The following ASPRV1 variants were observed in gnomAD, a reference collection of about 807,000 sequenced individuals.
ASPRV1 encodes retroviral-like aspartic protease 1.
In ASPRV1, 7 loss-of-function variants were observed where a neutral mutation model predicts 11.0. The observed-to-expected ratio is 0.64, with a 90% CI of 0.36 to 1.20. The LOEUF is 1.20. Ranked by LOEUF, ASPRV1 falls within the 50% of genes most tolerant of loss-of-function variation. ASPRV1 has a pLI of 0.02. For missense variants in ASPRV1, 299 were observed against 320.0 expected (o/e 0.93, Z 0.50); for synonymous variants, 136 against 138.4 (o/e 0.98, Z 0.12).
chr2:70,035,690 G>T, the ASPRV1 span, among the ~76,000 whole-genome samples: 1 of 150,618 alleles, frequency 6.6e-6, no homozygotes, highest in African/African-American at 2.4e-5. Flanking sequence ...ATCTGAATGA[G>T]TCAGTTAAAT....
chr2:70,008,285 G>C, the ASPRV1 span, among the ~76,000 whole-genome samples: 24 of 152,018 alleles, frequency 1.6e-4, no homozygotes, highest in African/African-American at 5.6e-4. Flanking sequence ...CCATAGGAAC[G>C]AATCTCCATT....
chr2:70,077,859 A>G, the ASPRV1 span, among the ~76,000 whole-genome samples: 1 of 151,408 alleles, frequency 6.6e-6, no homozygotes, highest in Non-Finnish European at 1.5e-5. Context: ...CTGTCTCAAA[A>G]AAAATAAAAT....
chr2:69,939,713 T>C, the ASPRV1 span: 1 of 152,528 alleles, frequency 6.6e-6, no homozygotes, highest in South Asian at 2.1e-4. Flanking sequence ...TTTGAACCAT[T>C]TGTAAAATCT....
At chr2:70,073,905 G>A in the ASPRV1 span, among the ~76,000 whole-genome samples, 1 of 151,894 alleles carries the variant, frequency 6.6e-6, no homozygotes, top group East Asian at 1.9e-4. Flanking sequence ...AGGCCGAAAT[G>A]GGCAGATCAC....
At chr2:70,050,866 C>A in the ASPRV1 span, 1 of 151,856 alleles carries the variant, frequency 6.6e-6, no homozygotes, top group Admixed American at 6.6e-5. Context: ...TCTCTTGAGC[C>A]CAAGAGTTCA....
the ASPRV1 span, chr2:70,051,063 C>T: frequency 6.6e-6 from 1 of 152,272 alleles, no homozygotes; most frequent in East Asian, 1.9e-4. Context: ...TAAAGCATTC[C>T]TAATGAGTGC....
At chr2:70,067,538 T>C in the ASPRV1 span, among the ~76,000 whole-genome samples, 1 of 152,224 alleles carries the variant, frequency 6.6e-6, no homozygotes, top group South Asian at 2.1e-4. Flanking sequence ...TTCTATGAAA[T>C]ACTATCCAGC....
At chr2:70,012,417 G>A in the ASPRV1 span, among the ~76,000 whole-genome samples, 1 of 152,036 alleles carries the variant, frequency 6.6e-6, no homozygotes, top group African/African-American at 2.4e-5. Flanking sequence ...GCCTCCCAAA[G>A]TGCTGGGATT....
chr2:70,083,064 G>A, the ASPRV1 span, among the ~76,000 whole-genome samples: 1 of 152,158 alleles, frequency 6.6e-6, no homozygotes, highest in Non-Finnish European at 1.5e-5. Flanking sequence ...TCAGGGAAAA[G>A]AGGGAAGAGA....
the ASPRV1 span, among the ~76,000 whole-genome samples, chr2:69,946,029 C>G: frequency 6.6e-6 from 1 of 152,128 alleles, no homozygotes; most frequent in Non-Finnish European, 1.5e-5. Flanking sequence ...CCAACCAACA[C>G]CATTGGCCAG....
upstream of ASPRV1, chr2:69,962,710 C>T (rs1678168929): frequency 6.1e-6 from 1 of 162,756 alleles, no homozygotes; most frequent in Non-Finnish European, 1.4e-5. Context: ...TCAAAGGTCA[C>T]TCCATGGAGC....
At chr2:70,067,014 T>C in the ASPRV1 span, among the ~76,000 whole-genome samples, 18 of 152,296 alleles carry the variant, frequency 1.2e-4, no homozygotes, top group East Asian at 3.9e-4. Flanking sequence ...ATGATGATAA[T>C]AACAACTAAG....
chr2:69,992,249 C>T, the ASPRV1 span, among the ~76,000 whole-genome samples: 7 of 152,170 alleles, frequency 4.6e-5, no homozygotes, highest in Admixed American at 1.3e-4. Context: ...TCGGCGTCTT[C>T]GCCTAGCCGA....
At chr2:70,003,806 G>A in the ASPRV1 span, among the ~76,000 whole-genome samples, 18 of 152,176 alleles carry the variant, frequency 1.2e-4, no homozygotes, top group Non-Finnish European at 2.4e-4. Context: ...AAGTGATCAG[G>A]CCATGGGGCA....
the ASPRV1 span, among the ~76,000 whole-genome samples, chr2:70,055,253 G>C: frequency 6.6e-6 from 1 of 152,166 alleles, no homozygotes; most frequent in Non-Finnish European, 1.5e-5. Flanking sequence ...GCAGTGAGCA[G>C]AGATCGTGCC....
At chr2:70,084,751 T>C in the ASPRV1 span, among the ~76,000 whole-genome samples, 3 of 152,218 alleles carry the variant, frequency 2.0e-5, no homozygotes, top group Non-Finnish European at 4.4e-5. Flanking sequence ...GTAAAATTTG[T>C]TTCTTAGTGG....
chr2:70,080,465 G>C, the ASPRV1 span, among the ~76,000 whole-genome samples: 1 of 152,194 alleles, frequency 6.6e-6, no homozygotes, highest in Non-Finnish European at 1.5e-5. Flanking sequence ...GACCTCAGGT[G>C]ATCTGCCCGC....
the ASPRV1 span, among the ~76,000 whole-genome samples, chr2:70,072,866 A>G: frequency 6.6e-6 from 1 of 150,854 alleles, no homozygotes; most frequent in African/African-American, 2.4e-5. Flanking sequence ...AGTCTGAACA[A>G]TATAGTGAAA....
the ASPRV1 span, chr2:70,081,621 T>C: frequency 6.6e-6 from 1 of 152,174 alleles, no homozygotes; most frequent in Admixed American, 6.5e-5. Context: ...TCTCACTCTG[T>C]TGTCCGGACT....
Sources: gnomAD v4.1 joint callset for allele counts (sites outside exome capture counted in the v4.1 genomes callset) on GRCh38, gnomAD v4.1.1 for gene constraint, MANE v1.5 for transcripts, NCBI Gene and HGNC (gene_info 2026-07-23, HGNC 2026-07-21) for gene names.